RGS9: variants seen among roughly 807,000 people sequenced by gnomAD.
The protein encoded by RGS9 is regulator of G-protein signalling 9.
Under a neutral mutation model 102.0 loss-of-function variants are expected in RGS9, and 78 were observed. The observed-to-expected ratio is 0.76, with a 90% CI of 0.64 to 0.92. The LOEUF is 0.92. Among genes scored for constraint, RGS9 ranks in the 40% least tolerant of loss-of-function variants. The probability of loss-of-function intolerance (pLI) is 0.00; values close to 1 mark genes in which losing one functional copy is unlikely to be tolerated. For synonymous variants in RGS9, 353 were observed against 318.6 expected, an observed-to-expected ratio of 1.11 and a Z score of -1.15; for missense variants, 833 against 866.1, an observed-to-expected ratio of 0.96 and a Z score of 0.48.
In RGS9 at chr17:65,175,083, A is replaced by ATGTG. The variant is rs113500448; in HGVS notation, c.583-2631_583-2628dup. On this transcript the variant is annotated intron_variant, in intron 8 of 18. Coordinates refer to ENST00000262406, the MANE Select transcript of RGS9 (RefSeq NM_003835.4). The stretch of plus-strand genomic sequence containing the variant: ...GGGAACACAGAACCAAACCATATTA[A>ATGTG]TGTGTGTGTGTGTGTGTGTGTCAGG... 1.4e-3 allele frequency among the ~76,000 whole-genome samples: 216 copies of ATGTG among 149,118 alleles called. 1 individual carries two copies. The highest frequency in any genetic ancestry group is 4.4e-3 in the African/African-American group (178 of 40,886).
chr17:65,138,270 G>A (rs926109938), intron 1 of RGS9, among the ~76,000 whole-genome samples: 1 of 152,118 alleles, frequency 6.6e-6, no homozygotes, highest in Non-Finnish European at 1.5e-5. Flanking sequence ...TGAGCTTCTG[G>A]TATAATCACT....
At position 65,137,596 on chromosome 17, in the gene RGS9, A is replaced by G; in HGVS notation, c.56A>G (p.Lys19Arg). The G allele has an allele frequency of 6.2e-7, 1 of 1,613,630 alleles. No homozygotes were observed. Among genetic ancestry groups the G allele is most frequent in the Non-Finnish European group, 8.5e-7 (1 of 1,179,962 alleles). The change falls in exon 1 of 19, where the codon AAG becomes AGG. Residue 19 changes from lysine to arginine, a missense_variant and splice_region_variant. Lys to Arg is a conservative substitution (Grantham distance 26). Coordinates refer to ENST00000262406, the MANE Select transcript of RGS9 (RefSeq NM_003835.4). The stretch of plus-strand genomic sequence containing the variant: ...AGGCCGAGGATGGCATTTCTCCAAA[A>G]GGTAACCCTGGCCCCTCACCTGGAC... ...QYRPRMAFLQKIEALVKDMQN... is the reference protein window; with the variant it reads ...QYRPRMAFLQRIEALVKDMQN...
At chr17:65,203,678 C>T (rs1912938504) in intron 14 of RGS9, among the ~76,000 whole-genome samples, 1 of 152,202 alleles carries the variant, frequency 6.6e-6, no homozygotes. Flanking sequence ...CCCAGCGGGT[C>T]AGACCTCTGG....
chr17:65,194,405 G>T (rs1297401631), intron 12 of RGS9, among the ~76,000 whole-genome samples: 1 of 152,168 alleles, frequency 6.6e-6, no homozygotes, highest in Non-Finnish European at 1.5e-5. Flanking sequence ...TTTCTCTCGG[G>T]TGTATATCCA....
intron 2 of RGS9, among the ~76,000 whole-genome samples, chr17:65,157,325 C>T (rs948499209): frequency 6.6e-6 from 1 of 151,936 alleles, no homozygotes; most frequent in African/African-American, 2.4e-5. Context: ...TTCTGAGATG[C>T]TATTACCTTG....
intron 9 of RGS9, among the ~76,000 whole-genome samples, chr17:65,186,462 C>CA (rs1912127471): frequency 6.6e-6 from 1 of 152,124 alleles, no homozygotes; most frequent in Non-Finnish European, 1.5e-5. Context: ...CTCAGCTTCC[C>CA]AAAGAGCTGG....
Position 65,161,306 on chromosome 17 carries a change from C to T in RGS9, c.423+397C>T, listed in dbSNP as rs142364335. The stretch of plus-strand genomic sequence containing the variant: ...TTGCTCTGTTGCCTGGGCTGAAGTA[C>T]AGTGGCATGATCTCAGCTCACTGCA... On this transcript the variant is annotated intron_variant, in intron 6 of 18. Coordinates refer to ENST00000262406, the MANE Select transcript of RGS9 (RefSeq NM_003835.4). 2.4e-3 allele frequency among the ~76,000 whole-genome samples: 359 copies of T among 152,314 alleles called. 1 individual carries two copies. The highest frequency in any genetic ancestry group is 8.3e-3 in the African/African-American group (343 of 41,574).
chr17:65,179,635 C>CTGTGTGTGTGTGTG lies in RGS9; in HGVS notation c.654+1866_654+1879dup, dbSNP rs56275900. ...TGACCCAAGCCAGGATACTGCTCAG[C>CTGTGTGTGTGTGTG]TGTGTGTGTGTGTGTGTGTGTGTGT... On this transcript the variant is annotated intron_variant, in intron 9 of 18. Transcript: ENST00000262406. 3.9e-3 allele frequency among the ~76,000 whole-genome samples: 482 copies of CTGTGTGTGTGTGTG among 125,052 alleles called. 4 individuals carry two copies. The highest frequency in any genetic ancestry group is 0.015 in the African/African-American group (450 of 30,726). 82.0% of individuals were successfully genotyped at this position (125,052 alleles called of 152,430 possible).
intron 13 of RGS9, among the ~76,000 whole-genome samples, chr17:65,200,424 C>CTT (rs1165563036): frequency 6.6e-6 from 1 of 152,228 alleles, no homozygotes; most frequent in East Asian, 1.9e-4. Context: ...CATCTGAGTG[C>CTT]TTTCCACTTA....
intron 18 of RGS9, among the ~76,000 whole-genome samples, chr17:65,226,151 G>A (rs1198858837): frequency 6.6e-6 from 1 of 152,250 alleles, no homozygotes; most frequent in Non-Finnish European, 1.5e-5. Context: ...GCAGAACTAA[G>A]GCTCTGAGGA....
intron 16 of RGS9, among the ~76,000 whole-genome samples, 169 bp downstream of exon 16, chr17:65,208,176 A>C (rs1030538004): frequency 6.6e-6 from 1 of 152,256 alleles, no homozygotes; most frequent in East Asian, 1.9e-4. Flanking sequence ...TAATGCCCTG[A>C]AATCACTCTA....
intron 1 of RGS9, among the ~76,000 whole-genome samples, chr17:65,139,686 G>T (rs758833430): frequency 6.6e-6 from 1 of 152,080 alleles, no homozygotes; most frequent in African/African-American, 2.4e-5. Flanking sequence ...TTCTCCTAAT[G>T]CCCCTGGGCA....
In RGS9 at chr17:65,224,971, C is replaced by T. The variant is rs551332536; in HGVS notation, c.1408-31C>T. 15 of 1,612,314 alleles carry T rather than the reference C, an allele frequency of 9.3e-6. No individual in the cohort carries two copies. In the East Asian group the frequency reaches 3.1e-4, roughly 34 times the overall value. ...CTGCTGGCTGGGGCCATGCAACTCA[C>T]CACTGAGCTCTCTCCTTTCCTTCTC... On this transcript the variant is annotated intron_variant, in intron 17 of 18. Coordinates refer to ENST00000262406, the MANE Select transcript of RGS9 (RefSeq NM_003835.4).
At chr17:65,151,171 C>A (rs920568460) in intron 1 of RGS9, among the ~76,000 whole-genome samples, 2 of 152,066 alleles carry the variant, frequency 1.3e-5, no homozygotes, top group Admixed American at 6.5e-5. Context: ...ATGGCAAAAC[C>A]CTGTCTCTAC....
At chr17:65,223,774 G>A (rs1398635484) in intron 17 of RGS9, among the ~76,000 whole-genome samples, 1 of 145,748 alleles carries the variant, frequency 6.9e-6, no homozygotes, top group African/African-American at 2.5e-5. Flanking sequence ...TTTTTAAGAT[G>A]GAGTTTTGCT....
At chr17:65,160,828 A>G (rs746845120) in intron 5 of RGS9, 23 bp from the exon 6 acceptor site, 16 of 1,612,138 alleles carry the variant, frequency 9.9e-6, no homozygotes, top group Middle Eastern at 3.3e-4. Context: ...GATGATGGAA[A>G]ATGTCATTGC....
chr17:65,190,249 T>C lies in RGS9; in HGVS notation c.746+13T>C. 6.2e-7 allele frequency: 1 copy of C among 1,605,958 alleles called. No individual in the cohort carries two copies. Among genetic ancestry groups the C allele is most frequent in the Non-Finnish European group, 8.5e-7 (1 of 1,172,512 alleles). On this transcript the variant is annotated intron_variant, in intron 11 of 18. Transcript: ENST00000262406. ...TGTCCCTGGGAGGGTATGTCCCTGA[T>C]TTGTTGATCTTGCTAAAGTCTGATG...
intron 6 of RGS9, 85 bp downstream of exon 6, chr17:65,160,994 C>T: frequency 9.2e-7 from 1 of 1,083,528 alleles, no homozygotes; most frequent in South Asian, 1.3e-5. Context: ...CACATCACTA[C>T]ATTCATATGC....
At position 65,153,290 on chromosome 17, in the gene RGS9, G is replaced by A; in HGVS notation, c.58-132G>A. 6 of 794,354 alleles carry A rather than the reference G, an allele frequency of 7.6e-6. No individual in the cohort carries two copies. The South Asian group carries it at 8.1e-5, about 11-fold the overall frequency. The allele number at this position is 794,354 out of a possible 1,614,324, so 49.2% of individuals were successfully genotyped here. ...ATTAGAGTCACTCAGTGCCCACCTG[G>A]CTCCTGTACCAGATGGGGAACCCCT... On this transcript the variant is annotated intron_variant, in intron 1 of 18. Coordinates refer to ENST00000262406, the MANE Select transcript of RGS9 (RefSeq NM_003835.4).
Sources: gnomAD v4.1 joint callset for allele counts (sites outside exome capture counted in the v4.1 genomes callset) on GRCh38, gnomAD v4.1.1 for gene constraint, MANE v1.5 for transcripts, NCBI Gene and HGNC (gene_info 2026-07-23, HGNC 2026-07-21) for gene names.